Variants in SLC2A14 observed in about 807,000 individuals in gnomAD.
SLC2A14 encodes the protein solute carrier family 2 member 14.
Under a neutral mutation model 43.0 loss-of-function variants are expected in SLC2A14, and 13 were observed. The ratio of observed to expected loss-of-function variants is 0.30; its 90% confidence interval spans 0.20 to 0.48. SLC2A14 has a LOEUF of 0.48. Among genes scored for constraint, SLC2A14 ranks in the 20% least tolerant of loss-of-function variants. The pLI, the probability that SLC2A14 is intolerant of heterozygous loss-of-function variation, is 0.99. For missense variants in SLC2A14, 428 were observed against 620.4 expected, an observed-to-expected ratio of 0.69 and a Z score of 3.29; for synonymous variants, 190 against 233.8, an observed-to-expected ratio of 0.81 and a Z score of 1.71.
At chr12:7,830,928 A>G (rs1378051626) in intron 4 of SLC2A14, among the ~76,000 whole-genome samples, 1 of 152,074 alleles carries the variant, frequency 6.6e-6, no homozygotes, top group East Asian at 1.9e-4. Flanking sequence ...GTTCGAGACT[A>G]GCATGGCCAA....
intron 1 of SLC2A14, among the ~76,000 whole-genome samples, chr12:7,878,523 C>T (rs997984590): frequency 6.6e-6 from 1 of 151,240 alleles, no homozygotes; most frequent in Non-Finnish European, 1.5e-5. Context: ...CCTCCCAAAC[C>T]GCTGGGATTA....
rs946696921 is a variant in SLC2A14, at chr12:7,829,926, A to G, written c.353T>C (p.Val118Ala). The G allele has an allele frequency of 6.8e-6, 11 of 1,614,064 alleles. No homozygotes were observed. The highest frequency in any genetic ancestry group is 2.2e-5 in the East Asian group (1 of 44,898). The change falls in exon 5 of 11, where the codon GTT becomes GCT. Residue 118 changes from valine to alanine, a missense_variant. By Grantham distance (64) the Val-to-Ala change is moderately conservative. Around this residue, in one of 4 missense-constraint regions of SLC2A14, gnomAD observed 185 missense variants for 275.4 expected, o/e 0.67. Coordinates refer to ENST00000431042, the MANE Select transcript of SLC2A14 (RefSeq NM_001286234.2). The stretch of plus-strand genomic sequence containing the variant: ...CAAGCGGCCCAGGATCAGCATTTCA[A>G]CTGACTCAGCTATTTTACACAGTCC... ...LMGLCKIAES[V>A]EMLILGRLVI...
chr12:7,840,440 C>A (rs113739688), intron 2 of SLC2A14, among the ~76,000 whole-genome samples: 4,331 of 152,026 alleles, frequency 0.028, 198 homozygotes, highest in African/African-American at 0.098. Flanking sequence ...AGTGCAATGG[C>A]GTGATTTCGG....
At chr12:7,855,118 CT>C (rs1867253456) in intron 2 of SLC2A14, among the ~76,000 whole-genome samples, 1 of 151,896 alleles carries the variant, frequency 6.6e-6, no homozygotes, top group African/African-American at 2.4e-5. Context: ...AGGTATCGCA[CT>C]TTATATATAG....
At position 7,869,737 on chromosome 12, in the gene SLC2A14, C is replaced by T. The variant is rs892699744; in HGVS notation, c.18+126G>A. On this transcript the variant is annotated intron_variant, in intron 2 of 10. Coordinates refer to ENST00000431042, the MANE Select transcript of SLC2A14 (RefSeq NM_001286234.2). ...AGTCTGTTGGCTGTAACAGTCTCTC[C>T]CACCACCACTTACGTATATTACACA... 2.3e-5 allele frequency: 14 copies of T among 595,844 alleles called. No individual in the cohort carries two copies. The African/African-American group carries it at 2.6e-4, about 11-fold the overall frequency. The allele number at this position is 595,844 out of a possible 1,614,324, so 36.9% of individuals were successfully genotyped here.
At chr12:7,868,664 A>G (rs1419706245) in intron 2 of SLC2A14, among the ~76,000 whole-genome samples, 1 of 152,174 alleles carries the variant, frequency 6.6e-6, no homozygotes, top group Non-Finnish European at 1.5e-5. Flanking sequence ...AAAAAGCTAC[A>G]TATTAGCCTG....
chr12:7,866,746 T>G (rs1285845331), intron 2 of SLC2A14, among the ~76,000 whole-genome samples: 1 of 152,122 alleles, frequency 6.6e-6, no homozygotes, highest in Admixed American at 6.5e-5. Context: ...AGTTGGTTCA[T>G]GAGGTTTAAG....
In SLC2A14 at chr12:7,848,170, G is replaced by A. The variant is rs1866613272; in HGVS notation, c.19-15356C>T. On this transcript the variant is annotated intron_variant, in intron 2 of 10. Coordinates refer to ENST00000431042, the MANE Select transcript of SLC2A14 (RefSeq NM_001286234.2). Reference sequence around the variant, plus strand: ...CTCCCTGAGTCATTTCTATTTCCAAGGAATGAAGCAGTGGGAGGTTATAAA... The same window carrying A: ...CTCCCTGAGTCATTTCTATTTCCAAAGAATGAAGCAGTGGGAGGTTATAAA... Among the ~76,000 whole-genome samples the A allele has an allele frequency of 2.6e-5, 4 of 152,152 alleles. No homozygotes were observed. In the South Asian group the frequency reaches 8.3e-4, roughly 32 times the overall value.
At chr12:7,831,328 A>C (rs1268600952) in intron 4 of SLC2A14, 1 of 338,662 alleles carries the variant, frequency 3.0e-6, no homozygotes, top group African/African-American at 2.1e-5. Flanking sequence ...CCCATAGTTG[A>C]GCTTACTAGG....
chr12:7,859,087 T>G (rs549828681), intron 2 of SLC2A14, among the ~76,000 whole-genome samples: 1 of 152,084 alleles, frequency 6.6e-6, no homozygotes, highest in Admixed American at 6.6e-5. Flanking sequence ...TTGGCACCCT[T>G]GTCAAAAATC....
intron 7 of SLC2A14, among the ~76,000 whole-genome samples, chr12:7,823,898 G>T (rs1253107333): frequency 6.6e-6 from 1 of 152,070 alleles, no homozygotes; most frequent in East Asian, 1.9e-4. Flanking sequence ...ACCTTCTCAA[G>T]AAATAACTAT....
At chr12:7,854,974 T>C (rs1005321144) in intron 2 of SLC2A14, among the ~76,000 whole-genome samples, 2 of 151,896 alleles carry the variant, frequency 1.3e-5, no homozygotes, top group African/African-American at 4.8e-5. Flanking sequence ...CACGACCAGC[T>C]AATTTTTGTA....
chr12:7,829,106 A>G (rs1049415793), intron 5 of SLC2A14, among the ~76,000 whole-genome samples: 2 of 151,996 alleles, frequency 1.3e-5, no homozygotes, highest in Admixed American at 6.6e-5. Flanking sequence ...CCAGCTACTC[A>G]GGAGGCTGAG....
intron 2 of SLC2A14, among the ~76,000 whole-genome samples, chr12:7,844,979 C>G (rs1267320936): frequency 6.6e-6 from 1 of 152,080 alleles, no homozygotes; most frequent in East Asian, 1.9e-4. Flanking sequence ...AACATTATCA[C>G]CATTTTATAG....
chr12:7,881,934 A>G (rs1945582522), intron 1 of SLC2A14, among the ~76,000 whole-genome samples: 1 of 152,070 alleles, frequency 6.6e-6, no homozygotes, highest in Non-Finnish European at 1.5e-5. Context: ...TTTTGTGTCT[A>G]GCTCAGGGAT....
intron 2 of SLC2A14, among the ~76,000 whole-genome samples, chr12:7,842,926 A>G (rs1866099864): frequency 6.6e-6 from 1 of 151,852 alleles, no homozygotes; most frequent in Admixed American, 6.6e-5. Flanking sequence ...TAGGGTTTCT[A>G]CATGTTGATC....
intron 7 of SLC2A14, among the ~76,000 whole-genome samples, chr12:7,822,060 A>G (rs1863963391): frequency 1.3e-5 from 2 of 151,130 alleles, no homozygotes; most frequent in South Asian, 2.1e-4. Flanking sequence ...TCCTGACCTC[A>G]TGATCCGCCC....
intron 1 of SLC2A14, among the ~76,000 whole-genome samples, chr12:7,886,341 AATTT>A (rs71038799): frequency 0.25 from 34,681 of 140,054 alleles, 4,335 homozygotes; most frequent in South Asian, 0.27. Flanking sequence ...AAATTTTTAA[AATTT>A]ATTTATTTAT....
chr12:7,863,549 G>C (rs546046269), intron 2 of SLC2A14: 2 of 367,184 alleles, frequency 5.4e-6, no homozygotes, highest in East Asian at 1.7e-4. Context: ...ATGAACCCAG[G>C]ACACAGAGGT....
Sources: allele counts gnomAD v4.1 joint callset (sites outside exome capture counted in the v4.1 genomes callset), GRCh38; gene constraint gnomAD v4.1.1; regional missense constraint gnomAD v4.1.1; transcripts MANE v1.5; gene names NCBI Gene and HGNC (gene_info 2026-07-23, HGNC 2026-07-21).